Variants in FRMD4A observed in about 807,000 individuals in gnomAD.
FRMD4A encodes the protein FERM domain-containing protein 4A.
FRMD4A carries 29 observed loss-of-function variants against 129.1 expected under a neutral mutation model. That is an observed-to-expected ratio of 0.22 (90% CI 0.17 to 0.31). The LOEUF is 0.31. FRMD4A is among the 10% of genes least tolerant of loss of function. The pLI is 1.00. For missense variants in FRMD4A, 1,272 were observed against 1,375.8 expected (o/e 0.92, Z 1.19); for synonymous variants, 634 against 571.6 (o/e 1.11, Z -1.56).
intron 2 of FRMD4A, among the ~76,000 whole-genome samples, chr10:14,192,433 C>T (rs2131924572): frequency 6.6e-6 from 1 of 152,340 alleles, no homozygotes; most frequent in Non-Finnish European, 1.5e-5. Context: ...AGGAAATATA[C>T]ATTCACATAA....
chr10:14,267,207 T>A (rs1845009455), intron 2 of FRMD4A, among the ~76,000 whole-genome samples: 1 of 152,230 alleles, frequency 6.6e-6, no homozygotes, highest in African/African-American at 2.4e-5. Flanking sequence ...GCTATTTTTA[T>A]AAATTTCATG....
chr10:14,292,539 C>G (rs1845880941), intron 2 of FRMD4A, among the ~76,000 whole-genome samples: 1 of 152,188 alleles, frequency 6.6e-6, no homozygotes, highest in African/African-American at 2.4e-5. Flanking sequence ...GTGGCTCACG[C>G]CTGTAATCCC....
chr10:13,798,709 T>G (rs2093181819), intron 4 of FRMD4A, among the ~76,000 whole-genome samples: 1 of 152,162 alleles, frequency 6.6e-6, no homozygotes, highest in African/African-American at 2.4e-5. Context: ...AGAGCGAGAC[T>G]CCGTCTCATA....
intron 2 of FRMD4A, among the ~76,000 whole-genome samples, chr10:13,951,929 T>TAATAATAATAATAATAATAAAAAA (rs1554984653): frequency 6.9e-6 from 1 of 145,966 alleles, no homozygotes; most frequent in Non-Finnish European, 1.5e-5. Context: ...ATAATAATAA[T>TAATAATAATAATAATAATAAAAAA]AAACAATCTA....
rs146130667 is a variant in FRMD4A at position 14,220,338 on chromosome 10, T to C, written c.45+109720A>G. 2.2e-3 allele frequency among the ~76,000 whole-genome samples: 328 copies of C among 152,326 alleles called. 2 individuals carry two copies. Among genetic ancestry groups the C allele is most frequent in the African/African-American group, 7.4e-3 (307 of 41,560 alleles). On this transcript the variant is annotated intron_variant, in intron 2 of 24. Coordinates refer to ENST00000357447, the MANE Select transcript of FRMD4A (RefSeq NM_018027.5). ...TTTATTTGGTGGCAATATGACTAAT[T>C]TGTCATGCTCATTCAAAGATAAAAT... is the stretch of plus-strand genomic sequence containing the variant.
chr10:13,846,902 G>A (rs935097314), intron 3 of FRMD4A, among the ~76,000 whole-genome samples: 1 of 152,228 alleles, frequency 6.6e-6, no homozygotes, highest in African/African-American at 2.4e-5. Flanking sequence ...GAACTAGGCA[G>A]GGTGGCAAGG....
chr10:13,771,138 C>G (rs532455636), intron 6 of FRMD4A, among the ~76,000 whole-genome samples: 12 of 152,272 alleles, frequency 7.9e-5, no homozygotes, highest in African/African-American at 1.9e-4. Context: ...GCCCCAGTGT[C>G]ATCCTAGCTC....
At chr10:13,704,668 T>G (rs965628286) in intron 13 of FRMD4A, among the ~76,000 whole-genome samples, 7 of 152,204 alleles carry the variant, frequency 4.6e-5, no homozygotes, top group African/African-American at 1.7e-4. Flanking sequence ...ATAAAGGGCA[T>G]GAGCTCTGGA....
chr10:13,926,836 C>T (rs186082333), intron 2 of FRMD4A, among the ~76,000 whole-genome samples: 1 of 152,338 alleles, frequency 6.6e-6, no homozygotes, highest in East Asian at 1.9e-4. Context: ...ATAAATTCCA[C>T]TGAGGGTCAC....
intron 3 of FRMD4A, among the ~76,000 whole-genome samples, chr10:13,856,563 G>C (rs1045232567): frequency 1.6e-4 from 25 of 152,092 alleles, no homozygotes; most frequent in Non-Finnish European, 3.7e-4. Context: ...GAAAGCCTTG[G>C]TGGAGGGTGT....
At chr10:13,841,561 T>G (rs986228663) in intron 3 of FRMD4A, among the ~76,000 whole-genome samples, 26 of 152,072 alleles carry the variant, frequency 1.7e-4, no homozygotes, top group Non-Finnish European at 3.2e-4. Context: ...GAAACCCCAA[T>G]AAAAACTCAG....
chr10:14,052,066 GAAC>G (rs1834286718), intron 2 of FRMD4A, among the ~76,000 whole-genome samples: 1 of 152,136 alleles, frequency 6.6e-6, no homozygotes, highest in Non-Finnish European at 1.5e-5. Flanking sequence ...ACAGAGAGAA[GAAC>G]ACCATGGGCC....
chr10:14,112,684 T>A (rs1837980214), intron 2 of FRMD4A, among the ~76,000 whole-genome samples: 1 of 152,090 alleles, frequency 6.6e-6, no homozygotes, highest in African/African-American at 2.4e-5. Context: ...TGCCACCACA[T>A]CTGGCTAATT....
intron 5 of FRMD4A, among the ~76,000 whole-genome samples, chr10:13,785,992 G>C (rs936187844): frequency 1.1e-4 from 16 of 152,180 alleles, no homozygotes; most frequent in Non-Finnish European, 2.1e-4. Context: ...TGGTGTATAT[G>C]TGCCACATTT....
intron 13 of FRMD4A, among the ~76,000 whole-genome samples, chr10:13,705,494 T>A (rs2087336014): frequency 6.6e-6 from 1 of 152,194 alleles, no homozygotes. Flanking sequence ...GCCCCTCATT[T>A]TTATCCTATG....
intron 2 of FRMD4A, among the ~76,000 whole-genome samples, chr10:14,024,732 C>T (rs577654624): frequency 3.9e-5 from 6 of 152,320 alleles, no homozygotes; most frequent in South Asian, 4.1e-4. Flanking sequence ...CTTCACAGTC[C>T]GAGGTGCTGG....
At chr10:14,120,878 A>G (rs912580903) in intron 2 of FRMD4A, among the ~76,000 whole-genome samples, 1 of 152,172 alleles carries the variant, frequency 6.6e-6, no homozygotes, top group African/African-American at 2.4e-5. Flanking sequence ...GTCCCTTCAC[A>G]TGGCACTGAG....
chr10:13,683,057 C>T (rs576939219), intron 15 of FRMD4A, among the ~76,000 whole-genome samples: 2 of 152,196 alleles, frequency 1.3e-5, no homozygotes, highest in African/African-American at 4.8e-5. Context: ...CTCTTTGGAT[C>T]ACCCAGGCTG....
At chr10:13,775,570 G>A (rs1018156533) in intron 6 of FRMD4A, among the ~76,000 whole-genome samples, 1 of 152,080 alleles carries the variant, frequency 6.6e-6, no homozygotes, top group East Asian at 1.9e-4. Context: ...GTTCTCCAGC[G>A]AAACAATGGT....
Sources: gnomAD v4.1 joint callset for allele counts (sites outside exome capture counted in the v4.1 genomes callset) on GRCh38, gnomAD v4.1.1 for gene constraint, MANE v1.5 for transcripts, NCBI Gene and HGNC (gene_info 2026-07-23, HGNC 2026-07-21) for gene names.